Variants in ATP6V1A observed in about 807,000 individuals in gnomAD.
The protein encoded by ATP6V1A is ATPase H+ transporting V1 subunit A, also known as V-type proton ATPase catalytic subunit A.
In ATP6V1A, 18 loss-of-function variants were observed where a neutral mutation model predicts 70.1. That is an observed-to-expected ratio of 0.26 (90% confidence interval 0.18 to 0.38). The LOEUF is 0.38. Ranked by LOEUF, ATP6V1A falls within the 10% of genes least tolerant of loss-of-function variation. The pLI, the probability that ATP6V1A is intolerant of heterozygous loss-of-function variation, is 1.00. For missense variants in ATP6V1A, 424 were observed against 772.4 expected (o/e 0.55, Z 5.35); for synonymous variants, 232 against 253.8 (o/e 0.91, Z 0.82).
intron 1 of ATP6V1A, among the ~76,000 whole-genome samples, chr3:113,748,294 T>A (rs1708546909): frequency 6.6e-6 from 1 of 152,242 alleles, no homozygotes; most frequent in Non-Finnish European, 1.5e-5. Context: ...CCAAACAATG[T>A]GCTTTAGGGA....
In ATP6V1A at chr3:113,786,281, T is replaced by C. The variant is rs1709039230; in HGVS notation, c.614T>C (p.Met205Thr). Reference protein sequence around the residue: ...EFEGVKEKFTMVQVWPVRQVR... With the variant: ...EFEGVKEKFTTVQVWPVRQVR... ...GAAGGTGTAAAGGAGAAGTTCACCA[T>C]GGTGCAAGTATGGCCTGTACGTCAA... is the stretch of plus-strand genomic sequence containing the variant. The change falls in exon 6 of 15, where the codon ATG becomes ACG. Residue 205 changes from methionine (M) to threonine (T), a missense_variant. Met to Thr is a moderately conservative substitution (Grantham distance 81, BLOSUM62 -1). Around this residue, in one of 9 missense-constraint regions of ATP6V1A, gnomAD observed 139 missense variants for 163.5 expected, o/e 0.85. Transcript: ENST00000273398. 1.9e-6 allele frequency: 3 copies of C among 1,611,996 alleles called. No individual in the cohort carries two copies. Among genetic ancestry groups the C allele is most frequent in the Non-Finnish European group, 8.5e-7 (1 of 1,178,648 alleles).
At chr3:113,765,901 TG>T (rs1708765234) in intron 1 of ATP6V1A, among the ~76,000 whole-genome samples, 1 of 152,026 alleles carries the variant, frequency 6.6e-6, no homozygotes, top group Non-Finnish European at 1.5e-5. Flanking sequence ...CACTCCAGCC[TG>T]GGTGATAGAG....
Position 113,811,862 on chromosome 3 carries a change from T to C in ATP6V1A, c.*2435T>C, listed in dbSNP as rs2108050527. Reference sequence around the variant, plus strand: ...GTGTCTGGTCCTAAGTGGAGCCAATTAAACAAGTTTCATATGTATTTTTCC... The same window carrying C: ...GTGTCTGGTCCTAAGTGGAGCCAATCAAACAAGTTTCATATGTATTTTTCC... On this transcript the variant is annotated 3_prime_UTR_variant, in exon 15 of 15. Coordinates refer to ENST00000273398, the MANE Select transcript of ATP6V1A (RefSeq NM_001690.4). 6.5e-6 allele frequency: 1 copy of C among 152,730 alleles called. No homozygotes were observed. The highest frequency in any genetic ancestry group is 2.4e-5 in the African/African-American group (1 of 41,572). 9.5% of individuals were successfully genotyped at this position (152,730 alleles called of 1,614,324 possible).
intron 1 of ATP6V1A, among the ~76,000 whole-genome samples, chr3:113,747,836 G>A (rs541222784): frequency 6.6e-6 from 1 of 152,334 alleles, no homozygotes; most frequent in African/African-American, 2.4e-5. Flanking sequence ...AGATGGTATT[G>A]TGGTGTTGTG....
intron 12 of ATP6V1A, among the ~76,000 whole-genome samples, chr3:113,802,100 T>G (rs2108043298): frequency 6.6e-6 from 1 of 152,274 alleles, no homozygotes; most frequent in East Asian, 1.9e-4. Flanking sequence ...GGTAGTGATA[T>G]TTAAAGGGTG....
chr3:113,799,578 G>A (rs1041006000), intron 12 of ATP6V1A, among the ~76,000 whole-genome samples: 1 of 152,148 alleles, frequency 6.6e-6, no homozygotes, highest in African/African-American at 2.4e-5. Flanking sequence ...AACCAATGAT[G>A]TAAGAAGAGA....
At chr3:113,755,134 G>C (rs1004417943) in intron 1 of ATP6V1A, among the ~76,000 whole-genome samples, 1 of 152,164 alleles carries the variant, frequency 6.6e-6, no homozygotes, top group African/African-American at 2.4e-5. Flanking sequence ...AAACCAGACT[G>C]TGTGAGTCAA....
At chr3:113,755,574 G>A (rs1457807188) in intron 1 of ATP6V1A, among the ~76,000 whole-genome samples, 1 of 151,970 alleles carries the variant, frequency 6.6e-6, no homozygotes, top group African/African-American at 2.4e-5. Context: ...GCAGACCCTG[G>A]GTGACAGAGC....
intron 1 of ATP6V1A, among the ~76,000 whole-genome samples, chr3:113,753,969 C>T (rs148012347): frequency 7.9e-5 from 12 of 152,138 alleles, no homozygotes; most frequent in African/African-American, 2.9e-4. Context: ...AATGATAACT[C>T]ATTTTTTATA....
chr3:113,757,257 C>T (rs1708655596), intron 1 of ATP6V1A, among the ~76,000 whole-genome samples: 1 of 152,110 alleles, frequency 6.6e-6, no homozygotes, highest in African/African-American at 2.4e-5. Flanking sequence ...CCTCATTCTC[C>T]CTAAGGTACT....
At chr3:113,796,755 C>A (rs1709156642) in intron 11 of ATP6V1A, among the ~76,000 whole-genome samples, 1 of 152,154 alleles carries the variant, frequency 6.6e-6, no homozygotes, top group African/African-American at 2.4e-5. Flanking sequence ...AAATGTACAA[C>A]TCTCAAGCTT....
chr3:113,752,361 T>C (rs1708597176), intron 1 of ATP6V1A, among the ~76,000 whole-genome samples: 1 of 151,772 alleles, frequency 6.6e-6, no homozygotes, highest in South Asian at 2.1e-4. Context: ...ATAATAATAA[T>C]AGTATATACA....
chr3:113,808,170 G>T (rs527973802), intron 14 of ATP6V1A, among the ~76,000 whole-genome samples: 2 of 150,876 alleles, frequency 1.3e-5, no homozygotes, highest in Non-Finnish European at 3.0e-5. Flanking sequence ...AAAATTTCCA[G>T]TTATTGGTGT....
chr3:113,801,273 C>CA (rs1364270865), intron 12 of ATP6V1A: 13 of 150,842 alleles, frequency 8.6e-5, no homozygotes, highest in African/African-American at 2.9e-4. Context: ...CTAAAATGTA[C>CA]AAAGATCTCC....
At chr3:113,761,160 G>A (rs1426863670) in intron 1 of ATP6V1A, among the ~76,000 whole-genome samples, 1 of 144,820 alleles carries the variant, frequency 6.9e-6, no homozygotes, top group East Asian at 2.0e-4. Context: ...AGCTGGTCTT[G>A]AACTCCTGGA....
chr3:113,755,036 A>G (rs1708631294), intron 1 of ATP6V1A, among the ~76,000 whole-genome samples: 1 of 152,074 alleles, frequency 6.6e-6, no homozygotes, highest in Non-Finnish European at 1.5e-5. Context: ...CTTTAATGTA[A>G]GCTGTCCAAA....
chr3:113,764,660 A>G (rs1436967808), intron 1 of ATP6V1A, among the ~76,000 whole-genome samples: 4 of 152,176 alleles, frequency 2.6e-5, no homozygotes, highest in Non-Finnish European at 4.4e-5. Context: ...ATCTTCTTTG[A>G]TGTCTTGTTT....
rs1290489825 is a variant in ATP6V1A at position 113,780,695 on chromosome 3, A to G, written c.83-355A>G. 2.4e-6 allele frequency: 3 copies of G among 1,254,282 alleles called. No individual in the cohort carries two copies. The East Asian group carries it at 1.7e-4, about 70-fold the overall frequency. 77.7% of individuals were successfully genotyped at this position (1,254,282 alleles called of 1,614,324 possible). A position where few individuals can be genotyped will look rare whatever the true frequency, so the allele number is the denominator to read the frequency against. On this transcript the variant is annotated intron_variant, in intron 2 of 14. Coordinates refer to ENST00000273398, the MANE Select transcript of ATP6V1A (RefSeq NM_001690.4). ...ACTACTAGCCAAACCATTTATTCCAATTTCTACTTTTAAAAGTTTTTTTTA... is the reference window on the plus strand; with the variant it reads ...ACTACTAGCCAAACCATTTATTCCAGTTTCTACTTTTAAAAGTTTTTTTTA...
At chr3:113,771,780 C>T (rs1211160426) in intron 1 of ATP6V1A, among the ~76,000 whole-genome samples, 1 of 151,948 alleles carries the variant, frequency 6.6e-6, no homozygotes, top group Non-Finnish European at 1.5e-5. Context: ...TTTATGGATA[C>T]ATAAGTGTAT....
Sources: gnomAD v4.1 joint callset for allele counts (sites outside exome capture counted in the v4.1 genomes callset) on GRCh38, gnomAD v4.1.1 for gene constraint, gnomAD v4.1.1 regional missense constraint, MANE v1.5 for transcripts, NCBI Gene and HGNC (gene_info 2026-07-23, HGNC 2026-07-21) for gene names.